DPY19L2: variants seen among roughly 807,000 people sequenced by gnomAD.
The protein encoded by DPY19L2 is dpy-19 like 2.
DPY19L2 carries 34 observed loss-of-function variants against 97.9 expected under a neutral mutation model. The ratio of observed to expected loss-of-function variants is 0.35; its 90% confidence interval spans 0.26 to 0.46. The LOEUF (loss-of-function observed/expected upper bound fraction) is 0.46, where lower values mean the gene tolerates loss of function less well. DPY19L2 is among the 20% of genes least tolerant of loss of function. The probability of loss-of-function intolerance (pLI) is 1.00; values close to 1 mark genes in which losing one functional copy is unlikely to be tolerated. For missense variants in DPY19L2, 623 were observed against 911.4 expected, an observed-to-expected ratio of 0.68 and a Z score of 4.07; for synonymous variants, 230 against 307.9, an observed-to-expected ratio of 0.75 and a Z score of 2.65.
intron 21 of DPY19L2, among the ~76,000 whole-genome samples, chr12:63,567,948 T>C (rs1878064470): frequency 6.6e-6 from 1 of 152,062 alleles, no homozygotes; most frequent in African/African-American, 2.4e-5. Context: ...GTGACTATAA[T>C]GTTCCTTGCT....
intron 6 of DPY19L2, among the ~76,000 whole-genome samples, chr12:63,639,482 A>G (rs1251875488): frequency 2.6e-5 from 4 of 151,770 alleles, no homozygotes; most frequent in Non-Finnish European, 5.9e-5. Flanking sequence ...GAATCTGCAA[A>G]GAACTTAAAC....
chr12:63,591,587 T>C (rs1350179916), intron 16 of DPY19L2, among the ~76,000 whole-genome samples: 2 of 152,114 alleles, frequency 1.3e-5, no homozygotes, highest in African/African-American at 4.8e-5. Flanking sequence ...ATACGATACA[T>C]TTTGCTGGCA....
intron 12 of DPY19L2, among the ~76,000 whole-genome samples, chr12:63,606,976 T>C (rs1431035341): frequency 6.6e-6 from 1 of 152,190 alleles, no homozygotes; most frequent in East Asian, 1.9e-4. Context: ...TCAGGTTGTG[T>C]GTAATAAATA....
intron 21 of DPY19L2, among the ~76,000 whole-genome samples, chr12:63,565,946 A>G (rs1463706930): frequency 6.6e-5 from 10 of 152,174 alleles, no homozygotes; most frequent in Non-Finnish European, 1.5e-4. Context: ...AGTCATTTCT[A>G]GTAATATTCT....
At chr12:63,606,057 G>T (rs1175641865) in intron 12 of DPY19L2, among the ~76,000 whole-genome samples, 3 of 151,772 alleles carry the variant, frequency 2.0e-5, no homozygotes, top group African/African-American at 7.3e-5. Context: ...AATACATAAG[G>T]CATATTTTAA....
chr12:63,594,464 A>AGTGTGGGTGTGTGTGTGT (rs1883769467), intron 15 of DPY19L2, among the ~76,000 whole-genome samples: 1 of 124,932 alleles, frequency 8.0e-6, no homozygotes, highest in African/African-American at 3.6e-5. Context: ...AGAGAGAGAT[A>AGTGTGGGTGTGTGTGTGT]GTGTGTGTGT....
At position 63,644,497 on chromosome 12, in the gene DPY19L2, C is replaced by A. The variant is rs1893129035; in HGVS notation, c.710-1G>T. ...TAAAAGCAAGCAGGATCTCCCAATC[C>A]TTTGAAAAGATACAGATAATCAGTG... On this transcript the variant is annotated splice_acceptor_variant, in intron 5 of 21. Transcript: ENST00000324472. LOFTEE classifies it high-confidence loss of function. 1 of 1,604,968 alleles carries A rather than the reference C, an allele frequency of 6.2e-7. No individual in the cohort carries two copies. Among genetic ancestry groups the A allele is most frequent in the Admixed American group, 1.7e-5 (1 of 57,600 alleles).
At chr12:63,603,181 G>T (rs993429232) in intron 12 of DPY19L2, among the ~76,000 whole-genome samples, 1 of 151,940 alleles carries the variant, frequency 6.6e-6, no homozygotes, top group Admixed American at 6.6e-5. Context: ...GAAAATAAAT[G>T]AATTAAATCC....
chr12:63,611,582 C>T (rs1370366425), intron 11 of DPY19L2, among the ~76,000 whole-genome samples: 1 of 151,610 alleles, frequency 6.6e-6, no homozygotes, highest in African/African-American at 2.4e-5. Flanking sequence ...ACTAGAGACA[C>T]AAAAATACTT....
At chr12:63,580,142 G>A (rs1216332820) in intron 19 of DPY19L2, among the ~76,000 whole-genome samples, 1 of 147,074 alleles carries the variant, frequency 6.8e-6, no homozygotes, top group African/African-American at 2.5e-5. Flanking sequence ...TCTGTGAGAT[G>A]ATTTAGTGAA....
intron 5 of DPY19L2, among the ~76,000 whole-genome samples, chr12:63,646,531 G>A (rs185582421): frequency 1.9e-3 from 292 of 152,192 alleles, no homozygotes; most frequent in African/African-American, 6.3e-3. Context: ...ATAAAATATA[G>A]TAAGTCATGT....
chr12:63,665,530 G>A (rs956586949), intron 2 of DPY19L2, among the ~76,000 whole-genome samples: 1 of 151,142 alleles, frequency 6.6e-6, no homozygotes. Flanking sequence ...AATAAAGGAA[G>A]GTTTTAAATG....
chr12:63,614,557 C>A (rs1405367348), intron 11 of DPY19L2, among the ~76,000 whole-genome samples: 3 of 151,970 alleles, frequency 2.0e-5, no homozygotes, highest in Non-Finnish European at 2.9e-5. Flanking sequence ...TTCTCATAAT[C>A]ATGTGCGTGG....
rs373066133 is a variant in DPY19L2, at chr12:63,582,446, G to A, written c.1685C>T (p.Pro562Leu). The part of the protein sequence containing the change: ...LIMRLKMFLT[P>L]HMCVMASLIC... The stretch of plus-strand genomic sequence containing the variant: ...CAAGGAAGCCATAACACACATGTGC[G>A]GTGTCAAAAACATCTTTAGCCTCAT... Residue 562 changes from proline to leucine, a missense_variant, in exon 18 of 22, where the codon CCG becomes CTG. Pro to Leu is a moderately conservative substitution (Grantham distance 98). This residue lies in a region of DPY19L2 where 294 missense variants were observed against 446.2 expected (regional missense o/e 0.66). Coordinates refer to ENST00000324472, the MANE Select transcript of DPY19L2 (RefSeq NM_173812.5). 64 of 1,613,332 alleles carry A rather than the reference G, an allele frequency of 4.0e-5. No individual in the cohort carries two copies. The highest frequency in any genetic ancestry group is 1.2e-4 in the African/African-American group (9 of 74,854).
intron 11 of DPY19L2, among the ~76,000 whole-genome samples, chr12:63,612,475 T>G (rs1015945877): frequency 6.6e-5 from 10 of 151,832 alleles, no homozygotes; most frequent in South Asian, 4.2e-4. Context: ...AATTTAAAAA[T>G]GTACTTTATC....
intron 6 of DPY19L2, among the ~76,000 whole-genome samples, chr12:63,629,732 C>A (rs1890244507): frequency 6.6e-6 from 1 of 152,056 alleles, no homozygotes; most frequent in Non-Finnish European, 1.5e-5. Context: ...AAAGATACTC[C>A]TCGAGAAGAG....
chr12:63,628,327 G>C (rs1889938403), intron 6 of DPY19L2, among the ~76,000 whole-genome samples: 1 of 152,170 alleles, frequency 6.6e-6, no homozygotes, highest in Admixed American at 6.5e-5. Flanking sequence ...TCAAAGAAAG[G>C]GGTGAAAGAA....
chr12:63,630,106 T>A (rs1286863985), intron 6 of DPY19L2, among the ~76,000 whole-genome samples: 5 of 152,072 alleles, frequency 3.3e-5, no homozygotes, highest in Non-Finnish European at 5.9e-5. Flanking sequence ...CAGCCACTGC[T>A]AAAACATGCC....
In DPY19L2 at chr12:63,644,407, G is replaced by C. The variant is rs1261470955; in HGVS notation, c.799C>G (p.Leu267Val). The change falls in exon 6 of 22, where the codon CTG (leucine) becomes GTG (valine). Residue 267 changes from leucine (L) to valine (V), a missense_variant. By Grantham distance (32) the Leu-to-Val change is conservative. Coordinates refer to ENST00000324472, the MANE Select transcript of DPY19L2 (RefSeq NM_173812.5). ...MGLFFMYGAY[L>V]SGTQLGGLIT... ...TTAATTCAGTAGTAGTCTTACCTCA[G>C]GTATGCTCCATACATGAAGAACAAT... 11 of 1,608,628 alleles carry C rather than the reference G, an allele frequency of 6.8e-6. No homozygotes were observed. Among genetic ancestry groups the C allele is most frequent in the Non-Finnish European group, 8.5e-6 (10 of 1,178,092 alleles).
Sources: gnomAD v4.1 joint callset for allele counts (sites outside exome capture counted in the v4.1 genomes callset) on GRCh38, gnomAD v4.1.1 for gene constraint, gnomAD v4.1.1 regional missense constraint, MANE v1.5 for transcripts, NCBI Gene and HGNC (gene_info 2026-07-23, HGNC 2026-07-21) for gene names.